SLC4A10: variants seen among roughly 807,000 people sequenced by gnomAD.
SLC4A10 encodes the protein sodium-driven chloride bicarbonate exchanger.
Under a neutral mutation model 137.7 loss-of-function variants are expected in SLC4A10, and 42 were observed. The ratio of observed to expected loss-of-function variants is 0.30; its 90% CI spans 0.24 to 0.39. The LOEUF (loss-of-function observed/expected upper bound fraction) is 0.39. Among genes scored for constraint, SLC4A10 ranks in the 10% least tolerant of loss-of-function variants. The pLI, the probability that SLC4A10 is intolerant of heterozygous loss-of-function variation, is 1.00. For missense variants in SLC4A10, 925 were observed against 1,355.0 expected, an observed-to-expected ratio of 0.68 and a Z score of 4.98; for synonymous variants, 474 against 464.1, an observed-to-expected ratio of 1.02 and a Z score of -0.27.
intron 10 of SLC4A10, among the ~76,000 whole-genome samples, chr2:161,890,893 A>G (rs2062840605): frequency 6.6e-6 from 1 of 152,006 alleles, no homozygotes; most frequent in African/African-American, 2.4e-5. Flanking sequence ...CATAGTGTCA[A>G]TGGTCTTTAC....
At chr2:161,664,107 A>T (rs2038763711) in intron 1 of SLC4A10, among the ~76,000 whole-genome samples, 1 of 152,004 alleles carries the variant, frequency 6.6e-6, no homozygotes, top group Non-Finnish European at 1.5e-5. Context: ...TCTACTGGAC[A>T]TGAAAAAAGT....
At chr2:161,722,148 T>C (rs1395848260) in intron 1 of SLC4A10, among the ~76,000 whole-genome samples, 1 of 152,204 alleles carries the variant, frequency 6.6e-6, no homozygotes, top group Admixed American at 6.5e-5. Context: ...TTGGTGAAAT[T>C]TGTTATTACT....
chr2:161,818,301 G>A (rs1388691012), intron 3 of SLC4A10, among the ~76,000 whole-genome samples: 2 of 152,146 alleles, frequency 1.3e-5, no homozygotes, highest in African/African-American at 2.4e-5. Context: ...TGGTGTATAA[G>A]AATGCTTATG....
intron 4 of SLC4A10, among the ~76,000 whole-genome samples, chr2:161,848,226 G>T (rs2059616967): frequency 6.6e-6 from 1 of 152,014 alleles, no homozygotes. Context: ...TTTAAATAGG[G>T]TTGTTTGTTT....
chr2:161,938,099 C>T (rs535041517), intron 15 of SLC4A10, among the ~76,000 whole-genome samples: 4 of 152,128 alleles, frequency 2.6e-5, no homozygotes, highest in South Asian at 4.2e-4. Flanking sequence ...GACAAAACCC[C>T]GTCTGTACTA....
At chr2:161,966,199 G>A (rs13021985) in intron 23 of SLC4A10, among the ~76,000 whole-genome samples, 51,222 of 151,920 alleles carry the variant, frequency 0.34, 9,722 homozygotes, top group Admixed American at 0.44. Flanking sequence ...ATATGGTTAC[G>A]TAATGTGTAA....
At chr2:161,898,792 T>C (rs1316559420) in intron 11 of SLC4A10, among the ~76,000 whole-genome samples, 1 of 152,092 alleles carries the variant, frequency 6.6e-6, no homozygotes, top group East Asian at 1.9e-4. Flanking sequence ...ACCGCACTGA[T>C]GAAGCTGAAG....
At chr2:161,867,769 A>C (rs1014659422) in intron 6 of SLC4A10, among the ~76,000 whole-genome samples, 4 of 151,788 alleles carry the variant, frequency 2.6e-5, no homozygotes, top group African/African-American at 9.7e-5. Context: ...TTCTTTCTTC[A>C]TGTTTTCTAT....
intron 1 of SLC4A10, among the ~76,000 whole-genome samples, chr2:161,629,497 A>G (rs1355863593): frequency 6.6e-6 from 1 of 151,838 alleles, no homozygotes; most frequent in Non-Finnish European, 1.5e-5. Flanking sequence ...ACACATACAT[A>G]GCTCCCCCAT....
At chr2:161,877,425 T>A (rs1165484422) in intron 8 of SLC4A10, among the ~76,000 whole-genome samples, 1 of 152,090 alleles carries the variant, frequency 6.6e-6, no homozygotes, top group Non-Finnish European at 1.5e-5. Flanking sequence ...ATGAGATTTA[T>A]TATGTTTTCC....
At chr2:161,777,009 T>C (rs914187891) in intron 2 of SLC4A10, among the ~76,000 whole-genome samples, 5 of 151,902 alleles carry the variant, frequency 3.3e-5, no homozygotes, top group African/African-American at 1.2e-4. Context: ...GCATATCAAC[T>C]TTGAGAAATG....
intron 1 of SLC4A10, among the ~76,000 whole-genome samples, chr2:161,661,840 T>A (rs1422555991): frequency 1.3e-5 from 2 of 152,120 alleles, no homozygotes; most frequent in Admixed American, 6.6e-5. Flanking sequence ...GCAAAAAAAA[T>A]ATATATTTTA....
chr2:161,716,681 C>A (rs760663526), intron 1 of SLC4A10, among the ~76,000 whole-genome samples: 9 of 152,024 alleles, frequency 5.9e-5, no homozygotes, highest in Non-Finnish European at 8.8e-5. Flanking sequence ...GTTTTTGTAC[C>A]AATACCATGC....
At chr2:161,646,092 G>A (rs1010163106) in intron 1 of SLC4A10, among the ~76,000 whole-genome samples, 5 of 151,928 alleles carry the variant, frequency 3.3e-5, no homozygotes, top group African/African-American at 1.2e-4. Flanking sequence ...TGCACCAAAG[G>A]TTTTCAGCTT....
chr2:161,928,773 C>G (rs1232259983), intron 15 of SLC4A10, among the ~76,000 whole-genome samples: 3 of 151,326 alleles, frequency 2.0e-5, no homozygotes, highest in Non-Finnish European at 4.4e-5. Flanking sequence ...TAAAATGTAG[C>G]AATTAAACTA....
intron 3 of SLC4A10, among the ~76,000 whole-genome samples, chr2:161,830,175 A>T (rs986396788): frequency 2.6e-5 from 4 of 151,682 alleles, no homozygotes; most frequent in Non-Finnish European, 4.4e-5. Context: ...AAAAAAAAAA[A>T]AATAACAACA....
At chr2:161,775,424 T>C (rs1028532283) in intron 2 of SLC4A10, among the ~76,000 whole-genome samples, 1 of 151,924 alleles carries the variant, frequency 6.6e-6, no homozygotes, top group African/African-American at 2.4e-5. Flanking sequence ...TCTATCATAA[T>C]AGAGTCCAAG....
chr2:161,976,594 T>C (rs908920992), intron 24 of SLC4A10, among the ~76,000 whole-genome samples, 166 bp from the exon 25 acceptor site: 55 of 152,340 alleles, frequency 3.6e-4, no homozygotes, highest in African/African-American at 1.1e-3. Flanking sequence ...CTTTTAAAAA[T>C]AGTTAAGGTA....
intron 23 of SLC4A10, among the ~76,000 whole-genome samples, chr2:161,968,522 C>T (rs1697985050): frequency 6.6e-6 from 1 of 152,124 alleles, no homozygotes; most frequent in Non-Finnish European, 1.5e-5. Flanking sequence ...CTGCTAAATC[C>T]TTCATATCCA....
Sources: allele counts gnomAD v4.1 joint callset (sites outside exome capture counted in the v4.1 genomes callset), GRCh38; gene constraint gnomAD v4.1.1; transcripts MANE v1.5; gene names NCBI Gene and HGNC (gene_info 2026-07-23, HGNC 2026-07-21).